TLK2: variants seen among roughly 807,000 people sequenced by gnomAD.
TLK2 encodes serine/threonine-protein kinase tousled-like 2.
A neutral mutation model predicts 117.3 loss-of-function variants in TLK2; 6 were observed. The ratio of observed to expected loss-of-function variants is 0.05; its 90% CI spans 0.03 to 0.10. The LOEUF (loss-of-function observed/expected upper bound fraction) is 0.10, where lower values mean the gene tolerates loss of function less well. Ranked by LOEUF, TLK2 falls within the 10% of genes least tolerant of loss-of-function variation. TLK2 has a pLI of 1.00. For synonymous variants in TLK2, 257 were observed against 316.7 expected (o/e 0.81, Z 2.00); for missense variants, 299 against 901.2 (o/e 0.33, Z 8.56).
intron 7 of TLK2, among the ~76,000 whole-genome samples, chr17:62,537,206 C>CTCCA (rs1489152346): frequency 6.6e-6 from 1 of 152,176 alleles, no homozygotes; most frequent in Non-Finnish European, 1.5e-5. Flanking sequence ...CCAATCCACA[C>CTCCA]TCCACCAACT....
intron 11 of TLK2, among the ~76,000 whole-genome samples, chr17:62,570,158 A>G (rs2080161053): frequency 6.6e-6 from 1 of 152,050 alleles, no homozygotes; most frequent in Admixed American, 6.6e-5. Flanking sequence ...TATTCACCCT[A>G]TTTCCAAATA....
At chr17:62,596,760 C>A (rs1183242904) in intron 17 of TLK2, 86 bp downstream of exon 17, 4 of 1,140,894 alleles carry the variant, frequency 3.5e-6, no homozygotes, top group South Asian at 1.3e-5. Context: ...ACTCTGGGTC[C>A]AGGACATACC....
At chr17:62,532,817 C>T (rs35526212) in intron 6 of TLK2, among the ~76,000 whole-genome samples, 5 of 152,048 alleles carry the variant, frequency 3.3e-5, no homozygotes, top group African/African-American at 7.2e-5. Context: ...TATTAACTTA[C>T]GCATTTTTCC....
intron 2 of TLK2, among the ~76,000 whole-genome samples, chr17:62,485,816 G>GTTTT (rs879159414): frequency 9.8e-5 from 12 of 122,548 alleles, no homozygotes; most frequent in East Asian, 2.4e-4. Flanking sequence ...TAATTTTCTG[G>GTTTT]TTTTTTTTTT....
In TLK2 at chr17:62,568,646, G is replaced by A. The variant is rs536058194; in HGVS notation, c.968+3509G>A. On this transcript the variant is annotated intron_variant, in intron 11 of 21. Transcript: ENST00000346027. The stretch of plus-strand genomic sequence containing the variant: ...ATTGCCCAGGCTGCAGTGCAGTGGT[G>A]CAATCTCGGCTCACTGCAACCTCTG... Among the ~76,000 whole-genome samples, 316 of 151,604 alleles carry A rather than the reference G, an allele frequency of 2.1e-3. 2 individuals carry two copies. Among genetic ancestry groups the A allele is most frequent in the Non-Finnish European group, 3.4e-3 (230 of 67,904 alleles).
intron 2 of TLK2, among the ~76,000 whole-genome samples, chr17:62,483,152 C>T (rs2071889481): frequency 1.3e-5 from 2 of 152,160 alleles, no homozygotes; most frequent in African/African-American, 4.8e-5. Flanking sequence ...GAAGATTGAG[C>T]ATAAGGCTAA....
chr17:62,543,555 T>C (rs1356034445), intron 7 of TLK2, among the ~76,000 whole-genome samples: 6 of 152,200 alleles, frequency 3.9e-5, no homozygotes, highest in Non-Finnish European at 8.8e-5. Flanking sequence ...TGGCATCTCA[T>C]TGTGGTTTTG....
At chr17:62,598,413 A>G (rs538819976) in intron 17 of TLK2, among the ~76,000 whole-genome samples, 1 of 152,312 alleles carries the variant, frequency 6.6e-6, no homozygotes, top group African/African-American at 2.4e-5. Context: ...TGTATGTATG[A>G]TGAATTTTCA....
intron 2 of TLK2, among the ~76,000 whole-genome samples, chr17:62,499,792 A>G (rs2074032393): frequency 6.6e-6 from 1 of 152,062 alleles, no homozygotes; most frequent in African/African-American, 2.4e-5. Flanking sequence ...CAGAGGTTGC[A>G]TTGAGCTGAG....
chr17:62,546,763 T>G (rs1448709562), intron 7 of TLK2, among the ~76,000 whole-genome samples: 2 of 151,998 alleles, frequency 1.3e-5, no homozygotes, highest in Non-Finnish European at 2.9e-5. Context: ...TTTCACCATG[T>G]TGGCCAGGCT....
intron 12 of TLK2, 147 bp downstream of exon 12, chr17:62,573,514 A>G (rs957237816): frequency 5.5e-6 from 6 of 1,097,066 alleles, no homozygotes; most frequent in African/African-American, 3.2e-5. Context: ...TGCTCAACTC[A>G]TATAAATGCC....
At chr17:62,539,130 T>A (rs1486554493) in intron 7 of TLK2, among the ~76,000 whole-genome samples, 1 of 152,220 alleles carries the variant, frequency 6.6e-6, no homozygotes, top group Non-Finnish European at 1.5e-5. Flanking sequence ...GTGGACAACT[T>A]GGTAATGTAT....
chr17:62,549,418 A>T (rs7219438), intron 7 of TLK2, among the ~76,000 whole-genome samples: 14 of 8,556 alleles, frequency 1.6e-3, no homozygotes, highest in Admixed American at 8.7e-3. Flanking sequence ...AAAAAAAAAA[A>T]AAAAAAAAAA....
intron 15 of TLK2, among the ~76,000 whole-genome samples, chr17:62,582,403 T>G (rs184097834): frequency 1.3e-5 from 2 of 152,286 alleles, no homozygotes; most frequent in Non-Finnish European, 2.9e-5. Context: ...TTCCACATCT[T>G]AGTTACTTCT....
At chr17:62,579,994 A>C (rs945013236) in intron 14 of TLK2, 117 bp from the exon 15 acceptor site, 78 of 708,838 alleles carry the variant, frequency 1.1e-4, no homozygotes, top group Non-Finnish European at 1.4e-5. Context: ...TTGATTGTCA[A>C]ACTACCAACA....
chr17:62,592,613 AGGCCAGTGGTTT>A (rs758835044), intron 16 of TLK2, among the ~76,000 whole-genome samples: 2 of 152,184 alleles, frequency 1.3e-5, no homozygotes, highest in Non-Finnish European at 2.9e-5. Context: ...TGAATACTGT[AGGCCAGTGGTTT>A]CCAGCCTTTT....
intron 15 of TLK2, among the ~76,000 whole-genome samples, chr17:62,583,045 C>T (rs774263564): frequency 6.6e-6 from 1 of 152,118 alleles, no homozygotes; most frequent in African/African-American, 2.4e-5. Flanking sequence ...TGGGTTGCTT[C>T]CATCTCTCGC....
At chr17:62,477,102 A>AT (rs572160841), upstream of TLK2, among the ~76,000 whole-genome samples, 758 of 151,748 alleles carry the variant, frequency 5.0e-3, 4 homozygotes, top group Admixed American at 8.4e-3. Flanking sequence ...AAAAAAAAAA[A>AT]TTTTTTTTAA....
chr17:62,525,710 A>G (rs1056219695), intron 6 of TLK2, among the ~76,000 whole-genome samples: 5 of 152,060 alleles, frequency 3.3e-5, no homozygotes, highest in African/African-American at 1.2e-4. Flanking sequence ...TCCACCTCCC[A>G]AAGTGTTGAG....
Sources: gnomAD v4.1 joint callset for allele counts (sites outside exome capture counted in the v4.1 genomes callset) on GRCh38, gnomAD v4.1.1 for gene constraint, MANE v1.5 for transcripts, NCBI Gene and HGNC (gene_info 2026-07-23, HGNC 2026-07-21) for gene names.